CMC1: variants seen among roughly 807,000 people sequenced by gnomAD.
CMC1 encodes COX assembly mitochondrial protein homolog.
Under a neutral mutation model 14.1 loss-of-function variants are expected in CMC1, and 14 were observed. That is an observed-to-expected ratio of 0.99 (90% CI 0.66 to 1.55). The LOEUF is 1.55. Among genes scored for constraint, CMC1 ranks in the 40% most tolerant of loss-of-function variants. The probability of loss-of-function intolerance (pLI) is 0.00; values close to 1 mark genes in which losing one functional copy is unlikely to be tolerated. For missense variants in CMC1, 127 were observed against 123.8 expected (o/e 1.03, Z -0.12); for synonymous variants, 50 against 38.4 (o/e 1.30, Z -1.12).
intron 2 of CMC1, among the ~76,000 whole-genome samples, chr3:28,291,369 T>C (rs1701461241): frequency 6.6e-6 from 1 of 152,128 alleles, no homozygotes; most frequent in Non-Finnish European, 1.5e-5. Flanking sequence ...TAACCTTTTT[T>C]TCCCCTCTAT....
intron 2 of CMC1, among the ~76,000 whole-genome samples, chr3:28,277,052 T>C (rs1413096123): frequency 6.6e-6 from 1 of 152,242 alleles, no homozygotes; most frequent in Admixed American, 6.5e-5. Context: ...AGTATGTATC[T>C]CCTTCCACTT....
intron 2 of CMC1, among the ~76,000 whole-genome samples, chr3:28,286,276 G>A (rs563653739): frequency 1.2e-4 from 19 of 152,084 alleles, no homozygotes; most frequent in Non-Finnish European, 2.5e-4. Flanking sequence ...ATGAAATAGC[G>A]TTAACTTAGT....
intron 1 of CMC1, among the ~76,000 whole-genome samples, chr3:28,258,334 A>G (rs1312864746): frequency 6.6e-6 from 1 of 151,534 alleles, no homozygotes; most frequent in African/African-American, 2.4e-5. Context: ...TGTATAATTT[A>G]TTTTTACTGC....
At chr3:28,278,400 T>G (rs1700703362) in intron 2 of CMC1, among the ~76,000 whole-genome samples, 1 of 152,178 alleles carries the variant, frequency 6.6e-6, no homozygotes, top group South Asian at 2.1e-4. Flanking sequence ...AGTAAAAATC[T>G]CTCTTATAAA....
At chr3:28,300,958 T>C (rs1437758179) in intron 2 of CMC1, among the ~76,000 whole-genome samples, 1 of 112,234 alleles carries the variant, frequency 8.9e-6, no homozygotes, top group African/African-American at 3.6e-5. Flanking sequence ...AACACAGAAA[T>C]GATAACGTTC....
intron 2 of CMC1, among the ~76,000 whole-genome samples, chr3:28,309,944 CACA>C (rs2125597821): frequency 8.7e-5 from 1 of 11,550 alleles, no homozygotes; most frequent in Non-Finnish European, 1.9e-4. Flanking sequence ...ACGTCCACCA[CACA>C]CACACACACA....
At position 28,324,556 on chromosome 3, in the gene CMC1, T is replaced by G. The variant is rs1342111616; in HGVS notation, c.*4927T>G. 2.7e-6 allele frequency: 3 copies of G among 1,105,222 alleles called. No homozygotes were observed. The Admixed American group carries it at 9.2e-5, about 34-fold the overall frequency. The allele number at this position is 1,105,222 out of a possible 1,614,324, so 68.5% of individuals were successfully genotyped here. On this transcript the variant is annotated 3_prime_UTR_variant, in exon 4 of 4. Coordinates refer to ENST00000466830, the MANE Select transcript of CMC1 (RefSeq NM_182523.2). ...TGAATTCTAGAACTGGTGATGAAAT[T>G]AAGATTTCCAAGTTAGTGTGATCAT...
At chr3:28,305,861 T>C (rs1702281833) in intron 2 of CMC1, among the ~76,000 whole-genome samples, 1 of 149,630 alleles carries the variant, frequency 6.7e-6, no homozygotes, top group Non-Finnish European at 1.5e-5. Flanking sequence ...TTAATTTTTG[T>C]ATATGGTGAG....
chr3:28,263,458 C>A, intron 2 of CMC1, 78 bp downstream of exon 2: 2 of 910,288 alleles, frequency 2.2e-6, no homozygotes, highest in Non-Finnish European at 3.3e-6. Flanking sequence ...GCCCCAGAAT[C>A]AAGTAGTCAA....
chr3:28,290,145 T>A (rs1434798913), intron 2 of CMC1, among the ~76,000 whole-genome samples: 7 of 152,190 alleles, frequency 4.6e-5, no homozygotes, highest in African/African-American at 1.7e-4. Flanking sequence ...AGGTCCCAGT[T>A]TCTGTAAGTT....
rs1703155763 is a variant in CMC1 at position 28,320,591 on chromosome 3, C to T, written c.*962C>T. On this transcript the variant is annotated 3_prime_UTR_variant, in exon 4 of 4. Coordinates refer to ENST00000466830, the MANE Select transcript of CMC1 (RefSeq NM_182523.2). ...GGGGACACATCAAACCATAGCAGAA[C>T]CATAGATAAGGAGATACCTACTTAT... 6.6e-6 allele frequency: 1 copy of T among 151,418 alleles called. No homozygotes were observed. Among genetic ancestry groups the T allele is most frequent in the African/African-American group, 2.4e-5 (1 of 41,312 alleles). The allele number at this position is 151,418 out of a possible 1,614,324, so 9.4% of individuals were successfully genotyped here. A position where few individuals can be genotyped will look rare whatever the true frequency, so the allele number is the denominator to read the frequency against.
At chr3:28,282,969 A>G (rs1011202861) in intron 2 of CMC1, among the ~76,000 whole-genome samples, 1 of 152,194 alleles carries the variant, frequency 6.6e-6, no homozygotes, top group Non-Finnish European at 1.5e-5. Flanking sequence ...TAAGATTTCC[A>G]GGTCATCACA....
intron 1 of CMC1, among the ~76,000 whole-genome samples, chr3:28,257,641 C>G (rs552830736): frequency 6.6e-6 from 1 of 152,210 alleles, no homozygotes; most frequent in East Asian, 1.9e-4. Flanking sequence ...GCCTCAGCCT[C>G]CCGAATGGCT....
Position 28,265,238 on chromosome 3 carries a change from A to G in CMC1, c.109+1858A>G, listed in dbSNP as rs369427772. Among the ~76,000 whole-genome samples the G allele has an allele frequency of 2.6e-4, 39 of 152,170 alleles. No homozygotes were observed. The East Asian group carries it at 6.2e-3, about 24-fold the overall frequency. On this transcript the variant is annotated intron_variant, in intron 2 of 3. Transcript: ENST00000466830. ...ATAATATAATTTGAATATCTTATAG[A>G]TAATTATGTATTGATTTTTTAGGCC... is the stretch of plus-strand genomic sequence containing the variant.
Position 28,318,486 on chromosome 3 carries a change from CTCATTCTTAAA to C in CMC1, c.201-1020_201-1010del, listed in dbSNP as rs1449330358. ...TGTTGGTGATTCCCCAAGTTCTCTT[CTCATTCTTAAA>C]TCTGAGGAAGTTTAGTTTGCACCCA... is the stretch of plus-strand genomic sequence containing the variant. On this transcript the variant is annotated intron_variant, in intron 3 of 3. Coordinates refer to ENST00000466830, the MANE Select transcript of CMC1 (RefSeq NM_182523.2). 2.6e-5 allele frequency: 4 copies of C among 152,016 alleles called. No individual in the cohort carries two copies. In the East Asian group the frequency reaches 7.8e-4, roughly 29 times the overall value. 9.4% of individuals were successfully genotyped at this position (152,016 alleles called of 1,614,324 possible).
intron 3 of CMC1, chr3:28,318,609 A>G (rs566738204): frequency 6.9e-6 from 1 of 144,364 alleles, no homozygotes; most frequent in African/African-American, 2.4e-5. Flanking sequence ...TCGTCCTACA[A>G]CGTGTCTTTG....
At chr3:28,274,295 A>G (rs1700468627) in intron 2 of CMC1, among the ~76,000 whole-genome samples, 1 of 139,114 alleles carries the variant, frequency 7.2e-6, no homozygotes, top group Non-Finnish European at 1.5e-5. Flanking sequence ...GAGCTCTTGC[A>G]AGGCAGGCCT....
chr3:28,314,294 C>T (rs894291603), intron 2 of CMC1, among the ~76,000 whole-genome samples: 3 of 152,188 alleles, frequency 2.0e-5, no homozygotes, highest in Non-Finnish European at 4.4e-5. Context: ...AGCCATGTGG[C>T]TACCCTTCAG....
intron 2 of CMC1, among the ~76,000 whole-genome samples, chr3:28,281,994 TAAC>T (rs946273825): frequency 1.3e-5 from 2 of 152,170 alleles, no homozygotes; most frequent in African/African-American, 4.8e-5. Flanking sequence ...TGGAGTGTCT[TAAC>T]AGTCTGAAAC....
Sources: allele counts gnomAD v4.1 joint callset (sites outside exome capture counted in the v4.1 genomes callset), GRCh38; gene constraint gnomAD v4.1.1; transcripts MANE v1.5; gene names NCBI Gene and HGNC (gene_info 2026-07-23, HGNC 2026-07-21).